The following SEPTIN2 variants were observed in gnomAD, a reference collection of about 807,000 sequenced individuals.
The protein encoded by SEPTIN2 is septin 2, also known as septin-2.
SEPTIN2 carries 34 observed loss-of-function variants against 46.5 expected under a neutral mutation model. The ratio of observed to expected loss-of-function variants is 0.73; its 90% CI spans 0.56 to 0.97. The LOEUF is 0.97. Among genes scored for constraint, SEPTIN2 ranks in the 50% least tolerant of loss-of-function variants. The pLI is 0.00. For synonymous variants in SEPTIN2, 175 were observed against 153.4 expected (o/e 1.14, Z -1.04); for missense variants, 347 against 448.4 (o/e 0.77, Z 2.04).
At position 241,353,491 on chromosome 2, in the gene SEPTIN2, CAT is replaced by C. The variant is rs1422911652; in HGVS notation, c.*1556_*1557del. 6.6e-6 allele frequency: 1 copy of C among 152,122 alleles called. No individual in the cohort carries two copies. Among genetic ancestry groups the C allele is most frequent in the Non-Finnish European group, 1.5e-5 (1 of 68,008 alleles). The allele number at this position is 152,122 out of a possible 1,614,324, so 9.4% of individuals were successfully genotyped here. ...TCATTTTTGTGGGGGCTAGAAAAAA[CAT>C]AAAATGAGGCAGTTAAATAATAATA... On this transcript the variant is annotated 3_prime_UTR_variant, in exon 13 of 13. Transcript: ENST00000391971.
chr2:241,345,556 C>G (rs576651249), intron 9 of SEPTIN2, among the ~76,000 whole-genome samples: 1 of 152,176 alleles, frequency 6.6e-6, no homozygotes, highest in African/African-American at 2.4e-5. Flanking sequence ...AATGTTTGCT[C>G]ATTCTTGCCT....
At chr2:241,323,466 C>T (rs1431433391) in intron 1 of SEPTIN2, among the ~76,000 whole-genome samples, 1 of 152,122 alleles carries the variant, frequency 6.6e-6, no homozygotes, top group East Asian at 1.9e-4. Context: ...CCATGTTGGC[C>T]AGGCTGGTCT....
At chr2:241,346,408 T>C (rs1206187484) in intron 10 of SEPTIN2, 159 bp downstream of exon 10, 2 of 522,894 alleles carry the variant, frequency 3.8e-6, no homozygotes, top group South Asian at 2.9e-5. Flanking sequence ...AATCAAATTA[T>C]GCTCTTTTAG....
intron 7 of SEPTIN2, among the ~76,000 whole-genome samples, chr2:241,338,831 T>TATATATTATATTTATATTATATA (rs1264517417): frequency 1.0e-5 from 1 of 99,348 alleles, no homozygotes; most frequent in African/African-American, 4.7e-5. Flanking sequence ...TTATATATAA[T>TATATATTATATTTATATTATATA]ATATATAATA....
At chr2:241,337,828 G>C (rs755601042) in intron 7 of SEPTIN2, 38 bp downstream of exon 7, 1 of 1,402,698 alleles carries the variant, frequency 7.1e-7, no homozygotes, top group East Asian at 2.3e-5. Flanking sequence ...CTCTGGGTGC[G>C]ACTCGGGGGC....
chr2:241,330,349 A>G (rs147197279), intron 3 of SEPTIN2, among the ~76,000 whole-genome samples: 51 of 152,372 alleles, frequency 3.3e-4, no homozygotes, highest in African/African-American at 1.2e-3. Context: ...ACCAGTCCAC[A>G]TGTAAATGGT....
intron 1 of SEPTIN2, chr2:241,316,604 T>A: frequency 7.4e-7 from 1 of 1,359,626 alleles, no homozygotes; most frequent in Non-Finnish European, 9.7e-7. Context: ...GGCCGCCGAG[T>A]TGGCCCGGGG....
chr2:241,341,406 C>T (rs2081242979), intron 7 of SEPTIN2, among the ~76,000 whole-genome samples: 1 of 152,150 alleles, frequency 6.6e-6, no homozygotes, highest in Non-Finnish European at 1.5e-5. Context: ...CTAACTGTTT[C>T]CGAACTCTTC....
At chr2:241,317,241 T>C (rs775848160) in intron 1 of SEPTIN2, among the ~76,000 whole-genome samples, 8 of 152,226 alleles carry the variant, frequency 5.3e-5, no homozygotes, top group Non-Finnish European at 7.3e-5. Flanking sequence ...TCCTAACTCA[T>C]GATGTGTACT....
At chr2:241,323,278 C>T (rs1019664201) in intron 1 of SEPTIN2, among the ~76,000 whole-genome samples, 1 of 152,038 alleles carries the variant, frequency 6.6e-6, no homozygotes, top group African/African-American at 2.4e-5. Flanking sequence ...TCAAGCGATT[C>T]TCCTGTCTCA....
rs1162089608 is a variant in SEPTIN2 at position 241,352,396 on chromosome 2, G to C, written c.*459G>C. 1 of 152,580 alleles carries C rather than the reference G, an allele frequency of 6.6e-6. No individual in the cohort carries two copies. The highest frequency in any genetic ancestry group is 1.5e-5 in the Non-Finnish European group (1 of 68,038). 9.5% of individuals were successfully genotyped at this position (152,580 alleles called of 1,614,324 possible). ...AGAAAGATACACTGACTTGGTGCAA[G>C]GCCATCTGCTTACCACATCACACCA... On this transcript the variant is annotated 3_prime_UTR_variant, in exon 13 of 13. Coordinates refer to ENST00000391971, the MANE Select transcript of SEPTIN2 (RefSeq NM_004404.5).
At chr2:241,338,888 AT>A in intron 7 of SEPTIN2, among the ~76,000 whole-genome samples, 2 of 79,258 alleles carry the variant, frequency 2.5e-5, no homozygotes, top group African/African-American at 1.1e-4. Flanking sequence ...TATCTATAAT[AT>A]ATATTATATA....
chr2:241,330,190 A>G (rs891438392), intron 3 of SEPTIN2, among the ~76,000 whole-genome samples: 13 of 152,212 alleles, frequency 8.5e-5, no homozygotes, highest in African/African-American at 3.1e-4. Flanking sequence ...GAGTCCTGCT[A>G]TGATGCAACC....
At chr2:241,332,242 C>T (rs1257633279) in intron 3 of SEPTIN2, among the ~76,000 whole-genome samples, 3 of 152,090 alleles carry the variant, frequency 2.0e-5, no homozygotes, top group African/African-American at 7.2e-5. Flanking sequence ...GAAAATAAAA[C>T]GTGAGGAACT....
At chr2:241,330,597 C>T (rs2078837313) in intron 3 of SEPTIN2, among the ~76,000 whole-genome samples, 1 of 152,176 alleles carries the variant, frequency 6.6e-6, no homozygotes, top group African/African-American at 2.4e-5. Context: ...CTGTTGGATG[C>T]AGAATTAAAC....
intron 7 of SEPTIN2, among the ~76,000 whole-genome samples, chr2:241,338,124 C>T (rs959074962): frequency 4.6e-5 from 7 of 152,072 alleles, no homozygotes; most frequent in Non-Finnish European, 7.4e-5. Context: ...TGTTATTTTA[C>T]CTAAATTCTT....
chr2:241,343,643 G>A (rs1387736135), intron 8 of SEPTIN2, 109 bp from the exon 9 acceptor site: 21 of 1,257,796 alleles, frequency 1.7e-5, no homozygotes, highest in Non-Finnish European at 2.3e-5. Context: ...TTCCAATTCA[G>A]TTTTGTAGTC....
At chr2:241,334,365 A>AT (rs2079552897) in intron 3 of SEPTIN2, among the ~76,000 whole-genome samples, 1 of 152,242 alleles carries the variant, frequency 6.6e-6, no homozygotes, top group Non-Finnish European at 1.5e-5. Flanking sequence ...CTTCAAATGT[A>AT]AAATTTAATT....
chr2:241,319,792 C>G (rs6717633), intron 1 of SEPTIN2, among the ~76,000 whole-genome samples: 22,938 of 152,156 alleles, frequency 0.15, 2,338 homozygotes, highest in Admixed American at 0.34. Context: ...CAGTGTTTCA[C>G]CATGTTGTCC....
Sources: gnomAD v4.1 joint callset for allele counts (sites outside exome capture counted in the v4.1 genomes callset) on GRCh38, gnomAD v4.1.1 for gene constraint, MANE v1.5 for transcripts, NCBI Gene and HGNC (gene_info 2026-07-23, HGNC 2026-07-21) for gene names.